Variants in CHRNA7 observed in about 807,000 individuals in gnomAD.
CHRNA7 encodes the protein cholinergic receptor nicotinic alpha 7 subunit.
In CHRNA7, 17 loss-of-function variants were observed where a neutral mutation model predicts 48.0. The observed-to-expected ratio is 0.35, with a 90% CI of 0.24 to 0.53. The LOEUF (loss-of-function observed/expected upper bound fraction) is 0.53. Ranked by LOEUF, CHRNA7 falls within the 20% of genes least tolerant of loss-of-function variation. The pLI, the probability that CHRNA7 is intolerant of heterozygous loss-of-function variation, is 0.92. For missense variants in CHRNA7, 155 were observed against 577.7 expected, an observed-to-expected ratio of 0.27 and a Z score of 7.50; for synonymous variants, 75 against 242.3, an observed-to-expected ratio of 0.31 and a Z score of 6.41.
At chr15:32,115,492 T>G (rs2050853621) in intron 4 of CHRNA7, among the ~76,000 whole-genome samples, 1 of 151,976 alleles carries the variant, frequency 6.6e-6, no homozygotes, top group South Asian at 2.1e-4. Context: ...GACCAGCCTA[T>G]CCCTACCCTG....
rs138099082 is a variant in CHRNA7 at position 32,149,264 on chromosome 15, C to T, written c.351-4643C>T. On this transcript the variant is annotated intron_variant, in intron 4 of 9. Transcript: ENST00000306901. This position sits in a 1 kb window ranked among gnomAD's most constrained non-coding sequence, Gnocchi z 4.6. ...GAGGAGTGAGGAGGAGAATGAATCC[C>T]TGCAGCCCTACCCCTGTTTCCACGG... Among the ~76,000 whole-genome samples, 28 of 152,316 alleles carry T rather than the reference C, an allele frequency of 1.8e-4. No individual in the cohort carries two copies. The highest frequency in any genetic ancestry group is 5.8e-4 in the African/African-American group (24 of 41,558).
chr15:32,152,738 G>T (rs907035105), intron 4 of CHRNA7, among the ~76,000 whole-genome samples: 1 of 152,216 alleles, frequency 6.6e-6, no homozygotes, highest in African/African-American at 2.4e-5. Context: ...GTGTTTGGGT[G>T]GGGGTATGGG....
intron 2 of CHRNA7, among the ~76,000 whole-genome samples, chr15:32,083,510 G>T (rs1347856028): frequency 6.6e-5 from 10 of 152,126 alleles, no homozygotes; most frequent in African/African-American, 2.4e-4. Context: ...AAACATTGTT[G>T]TTCTAGGTTA....
At chr15:32,121,457 A>G (rs972113922) in intron 4 of CHRNA7, among the ~76,000 whole-genome samples, 7 of 152,228 alleles carry the variant, frequency 4.6e-5, no homozygotes, top group Non-Finnish European at 1.0e-4. Context: ...TTGTTGACGC[A>G]GTTCTGAGGC....
intron 4 of CHRNA7, among the ~76,000 whole-genome samples, chr15:32,144,855 T>C (rs1048077146): frequency 1.6e-4 from 24 of 152,202 alleles, no homozygotes; most frequent in African/African-American, 5.5e-4. Context: ...TTGCAATGGG[T>C]TCGAACATGC....
At chr15:32,037,347 T>C (rs1902141986) in intron 2 of CHRNA7, among the ~76,000 whole-genome samples, 1 of 152,224 alleles carries the variant, frequency 6.6e-6, no homozygotes, top group African/African-American at 2.4e-5. Context: ...TCCTAAGTCT[T>C]GAAGTTTGGT....
At chr15:32,093,270 CTCTCATGA>C (rs1350400794) in intron 2 of CHRNA7, among the ~76,000 whole-genome samples, 1 of 152,170 alleles carries the variant, frequency 6.6e-6, no homozygotes, top group African/African-American at 2.4e-5. Flanking sequence ...TTAGGGTCTG[CTCTCATGA>C]TCCACCTTCC....
chr15:32,079,199 T>C (rs1461503467), intron 2 of CHRNA7, among the ~76,000 whole-genome samples: 1 of 152,184 alleles, frequency 6.6e-6, no homozygotes, highest in African/African-American at 2.4e-5. Context: ...AATATCATAC[T>C]GAATGGGCAA....
chr15:32,146,184 T>TA (rs2051486133), intron 4 of CHRNA7, among the ~76,000 whole-genome samples: 1 of 152,228 alleles, frequency 6.6e-6, no homozygotes. Context: ...AGTCCATTAA[T>TA]ATAATTCATT....
chr15:32,090,969 G>C lies in CHRNA7; in HGVS notation c.196-10334G>C, dbSNP rs116337349. Among the ~76,000 whole-genome samples, 841 of 152,180 alleles carry C rather than the reference G, an allele frequency of 5.5e-3. 13 individuals carry two copies. Among genetic ancestry groups the C allele is most frequent in the African/African-American group, 0.019 (809 of 41,520 alleles). ...CATTTTAGGTCATTTTGTTGAGTCTGTCTTCAGCTTACTAATTATCATTTC... is the reference window on the plus strand; with the variant it reads ...CATTTTAGGTCATTTTGTTGAGTCTCTCTTCAGCTTACTAATTATCATTTC... On this transcript the variant is annotated intron_variant, in intron 2 of 9. Transcript: ENST00000306901.
chr15:32,084,749 G>T (rs977098819), intron 2 of CHRNA7, among the ~76,000 whole-genome samples: 1 of 152,172 alleles, frequency 6.6e-6, no homozygotes, highest in Non-Finnish European at 1.5e-5. Flanking sequence ...TCATGCTAGT[G>T]CATTAGAAGG....
chr15:32,090,885 T>C (rs2050372072), intron 2 of CHRNA7, among the ~76,000 whole-genome samples: 2 of 152,182 alleles, frequency 1.3e-5, no homozygotes, highest in Admixed American at 1.3e-4. Flanking sequence ...AATCTTTTCA[T>C]TGTGTCCTTC....
chr15:32,119,328 T>C (rs1226931491), intron 4 of CHRNA7, among the ~76,000 whole-genome samples: 1 of 152,260 alleles, frequency 6.6e-6, no homozygotes, highest in Non-Finnish European at 1.5e-5. Flanking sequence ...ATTAATGACT[T>C]AAGTAGTCTT....
At position 32,030,556 on chromosome 15, in the gene CHRNA7, C is replaced by T. The variant is rs1355606873; in HGVS notation, c.-39C>T. On this transcript the variant is annotated 5_prime_UTR_variant, in exon 1 of 10. It adds an upstream start codon to the 5' untranslated region. Coordinates refer to ENST00000306901, the MANE Select transcript of CHRNA7 (RefSeq NM_000746.6). ...GCGCAGGCCCGGGCGACAGCCGAGA[C>T]GTGGAGCGCGCCGGCTCGCTGCAGC... 8 of 1,455,008 alleles carry T rather than the reference C, an allele frequency of 5.5e-6. No homozygotes were observed. The highest frequency in any genetic ancestry group is 3.0e-5 in the East Asian group (1 of 33,396). 90.1% of individuals were successfully genotyped at this position (1,455,008 alleles called of 1,614,324 possible). A position where few individuals can be genotyped will look rare whatever the true frequency, so the allele number is the denominator to read the frequency against.
At chr15:32,147,017 G>T (rs1159056447) in intron 4 of CHRNA7, among the ~76,000 whole-genome samples, 2 of 152,142 alleles carry the variant, frequency 1.3e-5, no homozygotes, top group Non-Finnish European at 2.9e-5. Context: ...GTAACACAAG[G>T]AACAAAAATA....
intron 2 of CHRNA7, chr15:32,099,810 A>G (rs1189618805): frequency 6.6e-6 from 1 of 152,254 alleles, no homozygotes; most frequent in Non-Finnish European, 1.5e-5. Context: ...CTCAGTGCAG[A>G]GTACAGAGAC....
rs1301936842 is a variant in CHRNA7 at position 32,030,536 on chromosome 15, G to A, written c.-59G>A. On this transcript the variant is annotated 5_prime_UTR_variant, in exon 1 of 10. Coordinates refer to ENST00000306901, the MANE Select transcript of CHRNA7 (RefSeq NM_000746.6). ...AGGTGCCTCTGTGGCCGCAGGCGCAGGCCCGGGCGACAGCCGAGACGTGGA... is the reference window on the plus strand; with the variant it reads ...AGGTGCCTCTGTGGCCGCAGGCGCAAGCCCGGGCGACAGCCGAGACGTGGA... The A allele has an allele frequency of 2.9e-6, 4 of 1,400,080 alleles. No individual in the cohort carries two copies. The highest frequency in any genetic ancestry group is 3.1e-5 in the East Asian group (1 of 32,440). The allele number at this position is 1,400,080 out of a possible 1,614,324, so 86.7% of individuals were successfully genotyped here.
At chr15:32,139,859 A>G (rs1294851194) in intron 4 of CHRNA7, among the ~76,000 whole-genome samples, 1 of 152,094 alleles carries the variant, frequency 6.6e-6, no homozygotes, top group Non-Finnish European at 1.5e-5. Flanking sequence ...AAGAAATTCA[A>G]AAAGGTAGGT....
chr15:32,074,640 T>A (rs1187707186), intron 2 of CHRNA7, among the ~76,000 whole-genome samples: 9 of 5,818 alleles, frequency 1.5e-3, no homozygotes, highest in African/African-American at 1.7e-3. Context: ...ATTATTAATA[T>A]TATTATTATT....
Sources: allele counts gnomAD v4.1 joint callset (sites outside exome capture counted in the v4.1 genomes callset), GRCh38; gene constraint gnomAD v4.1.1; non-coding constraint Gnocchi (gnomAD v3.1); transcripts MANE v1.5; gene names NCBI Gene and HGNC (gene_info 2026-07-23, HGNC 2026-07-21).